DNAH5: variants seen among roughly 807,000 people sequenced by gnomAD.
The protein encoded by DNAH5 is dynein axonemal heavy chain 5.
DNAH5 carries 372 observed loss-of-function variants against 518.2 expected under a neutral mutation model. The ratio of observed to expected loss-of-function variants is 0.72; its 90% CI spans 0.66 to 0.78. The LOEUF is 0.78. Among genes scored for constraint, DNAH5 ranks in the 30% least tolerant of loss-of-function variants. The probability of loss-of-function intolerance (pLI) is 0.00; values close to 1 mark genes in which losing one functional copy is unlikely to be tolerated. For synonymous variants in DNAH5, 2,039 were observed against 2,025.9 expected, an observed-to-expected ratio of 1.01 and a Z score of -0.17; for missense variants, 5,523 against 5,687.0, an observed-to-expected ratio of 0.97 and a Z score of 0.93.
In DNAH5 at chr5:13,777,320, T is replaced by A; in HGVS notation, c.8987A>T (p.Lys2996Met). 6.2e-7 allele frequency: 1 copy of A among 1,613,446 alleles called. No individual in the cohort carries two copies. The highest frequency in any genetic ancestry group is 8.5e-7 in the Non-Finnish European group (1 of 1,179,622). The change falls in exon 54 of 79, where the codon AAG becomes ATG. Residue 2996 changes from lysine to methionine, a missense_variant. Physicochemically the swap from Lys to Met is moderately conservative, Grantham distance 95. Coordinates refer to ENST00000265104, the MANE Select transcript of DNAH5 (RefSeq NM_001369.3). ...CTGACCAGCTGTTCGATACAAAACC[T>A]TCAGATCTTCCATCAGATTTGATGT... ...YNTSNLMEDL[K>M]VLYRTAGQQG...
intron 30 of DNAH5, among the ~76,000 whole-genome samples, chr5:13,853,424 C>T (rs1767168878): frequency 6.6e-6 from 1 of 152,134 alleles, no homozygotes; most frequent in Admixed American, 6.5e-5. Flanking sequence ...AAAACCAGCA[C>T]AAAAAGACTG....
In DNAH5 at chr5:13,883,040, C is replaced by G; in HGVS notation, c.3038G>C (p.Ser1013Thr). The G allele has an allele frequency of 1.2e-6, 2 of 1,614,160 alleles. No homozygotes were observed. Among genetic ancestry groups the G allele is most frequent in the Non-Finnish European group, 1.7e-6 (2 of 1,180,022 alleles). The stretch of plus-strand genomic sequence containing the variant: ...GATGTTGGGAATGGCCAGAGTGACG[C>G]TTGCCCGGAAAATGGGCAAACTGTT... ...KQNSLPIFRASVTLAIPNIVM... is the reference protein window; with the variant it reads ...KQNSLPIFRATVTLAIPNIVM... Residue 1013 changes from serine to threonine, a missense_variant, in exon 20 of 79, where the codon AGC (serine) becomes ACC (threonine). Ser to Thr is a moderately conservative substitution (Grantham distance 58, BLOSUM62 1). Around this residue, in one of 3 missense-constraint regions of DNAH5, gnomAD observed 5,121 missense variants for 5,223.3 expected, o/e 0.98. Coordinates refer to ENST00000265104, the MANE Select transcript of DNAH5 (RefSeq NM_001369.3).
At chr5:13,773,920 G>A (rs7737559) in intron 55 of DNAH5, among the ~76,000 whole-genome samples, 68,503 of 136,536 alleles carry the variant, frequency 0.5, 15,966 homozygotes, top group East Asian at 0.66. Context: ...ACAACTGGGG[G>A]AAAAAAAAAA....
intron 17 of DNAH5, among the ~76,000 whole-genome samples, chr5:13,890,671 G>A (rs1360558894): frequency 6.6e-6 from 1 of 152,186 alleles, no homozygotes; most frequent in Admixed American, 6.5e-5. Flanking sequence ...CCTAGCTTAT[G>A]AGAAGCACTT....
Position 13,751,195 on chromosome 5 carries a change from C to T in DNAH5, c.11094G>A (p.Leu3698=), listed in dbSNP as rs2126689664. ...TCTCAGGGGTGTAGGCTGGGTTAGG[C>T]AATTTGGTGGTAATGTAGAGTCTAA... ...DGFRLYITTK[L]PNPAYTPEIS... The change falls in exon 65 of 79, where the codon TTG becomes TTA. Residue 3698 remains leucine, a synonymous_variant. Coordinates refer to ENST00000265104, the MANE Select transcript of DNAH5 (RefSeq NM_001369.3). 1 of 1,613,866 alleles carries T rather than the reference C, an allele frequency of 6.2e-7. No homozygotes were observed. The highest frequency in any genetic ancestry group is 1.1e-5 in the South Asian group (1 of 91,074).
intron 1 of DNAH5, among the ~76,000 whole-genome samples, chr5:13,974,502 T>A (rs1782099215): frequency 6.6e-6 from 1 of 152,218 alleles, no homozygotes; most frequent in East Asian, 1.9e-4. Context: ...TGTGATAGGA[T>A]GGCATTTGAT....
In DNAH5 at chr5:13,944,445, C is replaced by T. The variant is rs766011288; in HGVS notation, c.-7G>A. ...TCCTCCCAATCCTAAACATTGTAGC[C>T]GTGCATGGACAGGCTGGAGTCAGCT... On this transcript the variant is annotated 5_prime_UTR_variant, in exon 1 of 79. Transcript: ENST00000265104. 25 of 1,612,686 alleles carry T rather than the reference C, an allele frequency of 1.6e-5. No individual in the cohort carries two copies. Among genetic ancestry groups the T allele is most frequent in the Middle Eastern group, 3.3e-4 (2 of 6,058 alleles).
Position 13,884,931 on chromosome 5 carries a change from C to T in DNAH5, c.2983+58G>A. On this transcript the variant is annotated intron_variant, in intron 19 of 78. Transcript: ENST00000265104. The stretch of plus-strand genomic sequence containing the variant: ...GCACACGTGCACACACACACACACA[C>T]ACATACCCCAGCAACTATGCCTGAT... 2.5e-6 allele frequency: 4 copies of T among 1,610,610 alleles called. No homozygotes were observed. The East Asian group carries it at 6.7e-5, about 27-fold the overall frequency.
At chr5:13,736,447 T>A (rs1747444154) in intron 66 of DNAH5, among the ~76,000 whole-genome samples, 1 of 152,132 alleles carries the variant, frequency 6.6e-6, no homozygotes, top group African/African-American at 2.4e-5. Context: ...CAGGCTGGAG[T>A]ACAGTGGCGT....
chr5:13,975,062 C>T (rs1782144147), intron 1 of DNAH5, among the ~76,000 whole-genome samples: 1 of 152,144 alleles, frequency 6.6e-6, no homozygotes, highest in Non-Finnish European at 1.5e-5. Flanking sequence ...CGTTGATGAA[C>T]TTGGGCACTG....
chr5:13,820,439 C>T lies in DNAH5; in HGVS notation c.6748G>A (p.Glu2250Lys), dbSNP rs201285946. ...PWKLKVIQLF[E>K]TQRVRHGMMT... ...ATCCCATGTCGCACTCTCTGCGTTT[C>T]GAATAGCTGGATGACCTTCAGTTTC... is the stretch of plus-strand genomic sequence containing the variant. Residue 2250 changes from glutamate to lysine, a missense_variant, in exon 41 of 79, where the codon GAA becomes AAA. Around this residue, in one of 3 missense-constraint regions of DNAH5, gnomAD observed 5,121 missense variants for 5,223.3 expected, o/e 0.98. Transcript: ENST00000265104. The T allele has an allele frequency of 1.1e-4, 178 of 1,613,952 alleles. 1 individual carries two copies. The highest frequency in any genetic ancestry group is 1.6e-4 in the Middle Eastern group (1 of 6,078).
At chr5:13,959,650 C>T (rs1390546023) in intron 1 of DNAH5, among the ~76,000 whole-genome samples, 1 of 152,194 alleles carries the variant, frequency 6.6e-6, no homozygotes, top group East Asian at 1.9e-4. Context: ...CAAGTCCTCT[C>T]CCTGGAATTC....
rs550050594 is a variant in DNAH5, at chr5:13,942,569, A to G, written c.57+1813T>C. ...AAGAACTCTGCTAAGTCAGTTAACAAGAACCCCTGTAGAGGGTACTCAATA... is the reference window on the plus strand; with the variant it reads ...AAGAACTCTGCTAAGTCAGTTAACAGGAACCCCTGTAGAGGGTACTCAATA... On this transcript the variant is annotated intron_variant, in intron 1 of 78. Transcript: ENST00000265104. Among the ~76,000 whole-genome samples, 3 of 152,330 alleles carry G rather than the reference A, an allele frequency of 2.0e-5. No individual in the cohort carries two copies. In the South Asian group the frequency reaches 6.2e-4, roughly 32 times the overall value.
intron 21 of DNAH5, among the ~76,000 whole-genome samples, chr5:13,879,727 T>G (rs1771380796): frequency 6.6e-6 from 1 of 151,040 alleles, no homozygotes; most frequent in African/African-American, 2.4e-5. Flanking sequence ...AACAGTGGAT[T>G]CAAAGAGAGG....
chr5:13,871,908 G>T (rs915397319), intron 22 of DNAH5, 143 bp from the exon 23 acceptor site: 16 of 766,390 alleles, frequency 2.1e-5, no homozygotes, highest in Non-Finnish European at 3.3e-5. Flanking sequence ...AAATGCCAAA[G>T]AACTGGGACT....
At chr5:13,763,048 A>C (rs1280874053) in intron 59 of DNAH5, 147 bp from the exon 60 acceptor site, 5 of 721,076 alleles carry the variant, frequency 6.9e-6, no homozygotes, top group Non-Finnish European at 1.2e-5. Context: ...GATATGAGGC[A>C]AAAGTCCTAA....
rs773948427 is a variant in DNAH5 at position 13,922,363 on chromosome 5, A to G, written c.439-35T>C. ...AGGCAGGAGATCTTTTATTGTAAAA[A>G]TCATCCTCAAATGCAACACAACTAC... On this transcript the variant is annotated intron_variant, in intron 4 of 78. Coordinates refer to ENST00000265104, the MANE Select transcript of DNAH5 (RefSeq NM_001369.3). The G allele has an allele frequency of 8.3e-6, 13 of 1,570,904 alleles. No homozygotes were observed. In the South Asian group the frequency reaches 1.5e-4, roughly 18 times the overall value.
Position 13,845,577 on chromosome 5 carries a change from T to A in DNAH5, c.5115-584A>T, listed in dbSNP as rs548020880. 1.1e-4 allele frequency among the ~76,000 whole-genome samples: 17 copies of A among 152,250 alleles called. 1 individual carries two copies. The South Asian group carries it at 3.1e-3, about 28-fold the overall frequency. On this transcript the variant is annotated intron_variant, in intron 31 of 78. Transcript: ENST00000265104. Reference sequence around the variant, plus strand: ...AAATCCACTGAATGTTCCCGATCACTGACTTGCTTTCAGCCGAGCTTTCAT... The same window carrying A: ...AAATCCACTGAATGTTCCCGATCACAGACTTGCTTTCAGCCGAGCTTTCAT...
At chr5:13,973,272 A>C (rs1271839219) in intron 1 of DNAH5, among the ~76,000 whole-genome samples, 1 of 152,262 alleles carries the variant, frequency 6.6e-6, no homozygotes, top group Non-Finnish European at 1.5e-5. Context: ...AAGCTCCAGA[A>C]GGAATGACTG....
Sources: gnomAD v4.1 joint callset for allele counts (sites outside exome capture counted in the v4.1 genomes callset) on GRCh38, gnomAD v4.1.1 for gene constraint, gnomAD v4.1.1 regional missense constraint, MANE v1.5 for transcripts, NCBI Gene and HGNC (gene_info 2026-07-23, HGNC 2026-07-21) for gene names.